SGCZ: variants seen among roughly 807,000 people sequenced by gnomAD.
SGCZ encodes the protein sarcoglycan zeta, also known as zeta-sarcoglycan.
Under a neutral mutation model 41.3 loss-of-function variants are expected in SGCZ, and 40 were observed. That is an observed-to-expected ratio of 0.97 (90% CI 0.75 to 1.26). The LOEUF is 1.26. Among genes scored for constraint, SGCZ ranks in the 50% most tolerant of loss-of-function variants. The pLI is 0.00. For missense variants in SGCZ, 552 were observed against 369.8 expected (o/e 1.49, Z -4.04); for synonymous variants, 206 against 137.5 (o/e 1.50, Z -3.49).
chr8:14,244,327 G>A (rs1263574365), intron 3 of SGCZ, among the ~76,000 whole-genome samples: 2 of 151,784 alleles, frequency 1.3e-5, no homozygotes, highest in African/African-American at 2.4e-5. Context: ...TCATTTCCGT[G>A]AAACAAGTCA....
chr8:14,432,515 T>C (rs1799971016), intron 2 of SGCZ, among the ~76,000 whole-genome samples: 2 of 152,082 alleles, frequency 1.3e-5, no homozygotes, highest in Admixed American at 1.3e-4. Context: ...CAATGGACTT[T>C]GGGGACTCAG....
chr8:14,483,961 T>C lies in SGCZ; in HGVS notation c.234+70771A>G, dbSNP rs1196738397. Among the ~76,000 whole-genome samples, 3 of 152,290 alleles carry C rather than the reference T, an allele frequency of 2.0e-5. No homozygotes were observed. The East Asian group carries it at 5.8e-4, about 29-fold the overall frequency. ...ACATGGATTAAAGATAATTTTCTTC[T>C]CTCTACTTGGCATCCAGCCCATGAA... is the stretch of plus-strand genomic sequence containing the variant. On this transcript the variant is annotated intron_variant, in intron 2 of 7. Transcript: ENST00000382080.
intron 3 of SGCZ, among the ~76,000 whole-genome samples, chr8:14,312,839 T>C (rs1176362591): frequency 2.0e-5 from 3 of 152,150 alleles, no homozygotes; most frequent in Non-Finnish European, 2.9e-5. Context: ...AAAATACCAA[T>C]TTAAAGAAAA....
intron 1 of SGCZ, among the ~76,000 whole-genome samples, chr8:14,800,726 A>G (rs1233931151): frequency 6.6e-6 from 1 of 152,148 alleles, no homozygotes; most frequent in African/African-American, 2.4e-5. Flanking sequence ...AGGCCTCCCC[A>G]GCCATATGGA....
rs1409095055 is a variant in SGCZ at position 14,086,412 on chromosome 8, C to T, written c.*4031G>A. ...ATTAGGAGTTTTATTGTATCAAATG[C>T]TATTTTTGTAAAACGAGGCATTCTC... On this transcript the variant is annotated 3_prime_UTR_variant, in exon 8 of 8. Coordinates refer to ENST00000382080, the MANE Select transcript of SGCZ (RefSeq NM_139167.4). Among the ~76,000 whole-genome samples, 1 of 151,572 alleles carries T rather than the reference C, an allele frequency of 6.6e-6. No individual in the cohort carries two copies. The highest frequency in any genetic ancestry group is 6.6e-5 in the Admixed American group (1 of 15,166).
At chr8:14,278,244 G>A (rs1364528561) in intron 3 of SGCZ, among the ~76,000 whole-genome samples, 1 of 152,038 alleles carries the variant, frequency 6.6e-6, no homozygotes, top group Non-Finnish European at 1.5e-5. Flanking sequence ...CAGCCATCTG[G>A]CCCCTCTTTG....
At chr8:14,813,124 G>C (rs1183435563) in intron 1 of SGCZ, among the ~76,000 whole-genome samples, 1 of 152,000 alleles carries the variant, frequency 6.6e-6, no homozygotes, top group Non-Finnish European at 1.5e-5. Context: ...GCAGATACTG[G>C]GAGAGCCATC....
chr8:14,684,378 C>T (rs552413854), intron 1 of SGCZ, among the ~76,000 whole-genome samples: 24 of 152,208 alleles, frequency 1.6e-4, no homozygotes, highest in Admixed American at 1.5e-3. Flanking sequence ...TATGTACAGA[C>T]ACATTTTGGT....
intron 2 of SGCZ, among the ~76,000 whole-genome samples, chr8:14,480,936 G>A (rs1049584919): frequency 6.6e-6 from 1 of 151,964 alleles, no homozygotes; most frequent in African/African-American, 2.4e-5. Flanking sequence ...TAAAAGACTT[G>A]TAAAGACTTA....
At chr8:14,975,352 G>C (rs186373581) in intron 1 of SGCZ, among the ~76,000 whole-genome samples, 1 of 152,188 alleles carries the variant, frequency 6.6e-6, no homozygotes, top group Middle Eastern at 3.4e-3. Context: ...CATCCAAAGG[G>C]GAATTGTGTA....
chr8:14,268,625 T>G (rs17228952), intron 3 of SGCZ, among the ~76,000 whole-genome samples: 45,289 of 151,706 alleles, frequency 0.3, 7,902 homozygotes, highest in Non-Finnish European at 0.4. Context: ...ACATTTTATC[T>G]TTGGCTTGCT....
chr8:14,149,415 C>T (rs1233706671), intron 5 of SGCZ, among the ~76,000 whole-genome samples: 1 of 151,864 alleles, frequency 6.6e-6, no homozygotes. Context: ...TAAAATTCAT[C>T]CCATTTACAA....
At chr8:14,823,749 T>C (rs369305099) in intron 1 of SGCZ, among the ~76,000 whole-genome samples, 1 of 152,290 alleles carries the variant, frequency 6.6e-6, no homozygotes, top group African/African-American at 2.4e-5. Context: ...AGGACATAAA[T>C]CACTATATTG....
intron 1 of SGCZ, among the ~76,000 whole-genome samples, chr8:14,797,780 G>A (rs924557799): frequency 6.6e-6 from 1 of 152,282 alleles, no homozygotes. Flanking sequence ...CCCTTGCTGT[G>A]TGCAGCCTAG....
intron 3 of SGCZ, among the ~76,000 whole-genome samples, chr8:14,282,582 T>C (rs1315647293): frequency 2.0e-5 from 3 of 152,132 alleles, no homozygotes; most frequent in African/African-American, 4.8e-5. Context: ...TACTCCACTC[T>C]TCCTCAGCCA....
At chr8:14,831,632 A>ACACATAGACACATGTGTG (rs1802531441) in intron 1 of SGCZ, among the ~76,000 whole-genome samples, 1 of 150,726 alleles carries the variant, frequency 6.6e-6, no homozygotes, top group Non-Finnish European at 1.5e-5. Flanking sequence ...ATAGACACAT[A>ACACATAGACACATGTGTG]TGTGTGTGTG....
chr8:14,416,024 CCT>C (rs1204387556), intron 2 of SGCZ, among the ~76,000 whole-genome samples: 1 of 151,926 alleles, frequency 6.6e-6, no homozygotes, highest in African/African-American at 2.4e-5. Context: ...CCAGAAATAG[CCT>C]GTGAGTTAGT....
rs182582788 is a variant in SGCZ at position 14,461,361 on chromosome 8, A to G, written c.234+93371T>C. Among the ~76,000 whole-genome samples, 317 of 152,214 alleles carry G rather than the reference A, an allele frequency of 2.1e-3. 1 individual carries two copies. The highest frequency in any genetic ancestry group is 6.5e-3 in the African/African-American group (272 of 41,540). The stretch of plus-strand genomic sequence containing the variant: ...ATAGCTTACCCCAGTTATCACTCCA[A>G]CCAACATTGCAATATCCCCAATGTC... On this transcript the variant is annotated intron_variant, in intron 2 of 7. Coordinates refer to ENST00000382080, the MANE Select transcript of SGCZ (RefSeq NM_139167.4).
intron 3 of SGCZ, among the ~76,000 whole-genome samples, chr8:14,244,719 C>A (rs989496936): frequency 1.3e-5 from 2 of 151,856 alleles, no homozygotes; most frequent in Non-Finnish European, 2.9e-5. Context: ...TTCTTCCTAC[C>A]CATGAGCATG....
Sources: allele counts gnomAD v4.1 joint callset (sites outside exome capture counted in the v4.1 genomes callset), GRCh38; gene constraint gnomAD v4.1.1; transcripts MANE v1.5; gene names NCBI Gene and HGNC (gene_info 2026-07-23, HGNC 2026-07-21).